The following KIRREL3 variants were observed in gnomAD, a reference collection of about 807,000 sequenced individuals.
The protein encoded by KIRREL3 is kirre like nephrin family adhesion molecule 3.
KIRREL3 carries 36 observed loss-of-function variants against 89.7 expected under a neutral mutation model. The ratio of observed to expected loss-of-function variants is 0.40; its 90% CI spans 0.31 to 0.53. The LOEUF is 0.53. Among genes scored for constraint, KIRREL3 ranks in the 20% least tolerant of loss-of-function variants. KIRREL3 has a pLI of 0.49. For missense variants in KIRREL3, 864 were observed against 1,056.6 expected, an observed-to-expected ratio of 0.82 and a Z score of 2.53; for synonymous variants, 445 against 441.4, an observed-to-expected ratio of 1.01 and a Z score of -0.10.
chr11:126,951,602 G>A (rs187490718), intron 1 of KIRREL3, among the ~76,000 whole-genome samples: 11 of 152,348 alleles, frequency 7.2e-5, no homozygotes, highest in African/African-American at 2.6e-4. Context: ...GGGGACACCA[G>A]GGTATAAGGC....
At chr11:126,919,647 C>T (rs895710035) in intron 1 of KIRREL3, among the ~76,000 whole-genome samples, 1 of 152,154 alleles carries the variant, frequency 6.6e-6, no homozygotes, top group African/African-American at 2.4e-5. Context: ...TTTGGTGACA[C>T]CAGTTGTGCA....
At chr11:126,600,692 A>G (rs1266518104) in intron 1 of KIRREL3, among the ~76,000 whole-genome samples, 1 of 152,208 alleles carries the variant, frequency 6.6e-6, no homozygotes, top group Non-Finnish European at 1.5e-5. Flanking sequence ...ATAGAGCTCC[A>G]ATGAGATGAT....
chr11:126,725,224 C>T (rs560112140), intron 1 of KIRREL3, among the ~76,000 whole-genome samples: 119 of 152,278 alleles, frequency 7.8e-4, no homozygotes, highest in African/African-American at 2.4e-3. Context: ...CGTGGTGCCT[C>T]GTATGCCATG....
chr11:126,612,754 G>A lies in KIRREL3; in HGVS notation c.56-49842C>T, dbSNP rs990222983. Reference sequence around the variant, plus strand: ...CTACAACATGTGGCCTTTTGTGTCCGTCTCCTTTCACGTAACAAAATGCTT... The same window carrying A: ...CTACAACATGTGGCCTTTTGTGTCCATCTCCTTTCACGTAACAAAATGCTT... On this transcript the variant is annotated intron_variant, in intron 1 of 16. Coordinates refer to ENST00000525144, the MANE Select transcript of KIRREL3 (RefSeq NM_032531.4). This position sits in a 1 kb window ranked among gnomAD's most constrained non-coding sequence, Gnocchi z 4.5. Among the ~76,000 whole-genome samples, 7 of 152,146 alleles carry A rather than the reference G, an allele frequency of 4.6e-5. No homozygotes were observed. Among genetic ancestry groups the A allele is most frequent in the African/African-American group, 7.2e-5 (3 of 41,430 alleles).
At chr11:126,840,655 T>G (rs1943934750) in intron 1 of KIRREL3, among the ~76,000 whole-genome samples, 2 of 152,200 alleles carry the variant, frequency 1.3e-5, no homozygotes, top group South Asian at 4.1e-4. Context: ...CTGGGTAGCG[T>G]GATAAAATCT....
intron 1 of KIRREL3, among the ~76,000 whole-genome samples, chr11:126,895,852 C>T (rs1243943124): frequency 6.6e-6 from 1 of 152,170 alleles, no homozygotes; most frequent in East Asian, 1.9e-4. Flanking sequence ...GACCCAGCTG[C>T]CCCCAGTAGG....
chr11:126,829,507 C>T (rs1463455330), intron 1 of KIRREL3, among the ~76,000 whole-genome samples: 1 of 37,340 alleles, frequency 2.7e-5, no homozygotes, highest in Admixed American at 3.1e-4. Flanking sequence ...TTTCAAGGAC[C>T]TCGTGTGGTC....
At chr11:126,923,415 C>G (rs1193667433) in intron 1 of KIRREL3, among the ~76,000 whole-genome samples, 4 of 135,706 alleles carry the variant, frequency 2.9e-5, no homozygotes, top group African/African-American at 1.1e-4. Flanking sequence ...CTTCTTCCTT[C>G]TTCTTCTTCC....
chr11:126,897,571 T>G lies in KIRREL3; in HGVS notation c.55+102884A>C, dbSNP rs1269783321. ...GGTTAAAGGCACAGCATCCTCCTGT[T>G]TGTATATAGCAGACCATTAGGGTAT... On this transcript the variant is annotated intron_variant, in intron 1 of 16. Coordinates refer to ENST00000525144, the MANE Select transcript of KIRREL3 (RefSeq NM_032531.4). This position sits in a 1 kb window ranked among gnomAD's most constrained non-coding sequence, Gnocchi z 4.2. Among the ~76,000 whole-genome samples the G allele has an allele frequency of 6.6e-6, 1 of 152,170 alleles. No homozygotes were observed. Among genetic ancestry groups the G allele is most frequent in the African/African-American group, 2.4e-5 (1 of 41,436 alleles).
At chr11:126,848,288 C>G (rs192967652) in intron 1 of KIRREL3, among the ~76,000 whole-genome samples, 1 of 152,328 alleles carries the variant, frequency 6.6e-6, no homozygotes, top group African/African-American at 2.4e-5. Flanking sequence ...GCACTTTATA[C>G]AAATAATCAG....
At chr11:126,425,563 A>G (rs1954908195) in intron 16 of KIRREL3, 75 bp downstream of exon 16, 14 of 1,255,714 alleles carry the variant, frequency 1.1e-5, no homozygotes, top group Middle Eastern at 1.9e-4. Context: ...TTTGTTGTAT[A>G]GATTTGGGGT....
rs1052826836 is a variant in KIRREL3, at chr11:126,551,355, C to A, written c.133+11480G>T. 1.3e-5 allele frequency among the ~76,000 whole-genome samples: 2 copies of A among 152,014 alleles called. No homozygotes were observed. Among genetic ancestry groups the A allele is most frequent in the African/African-American group, 2.4e-5 (1 of 41,406 alleles). On this transcript the variant is annotated intron_variant, in intron 2 of 16. Transcript: ENST00000525144. This position sits in a 1 kb window ranked among gnomAD's most constrained non-coding sequence, Gnocchi z 4.9. Reference sequence around the variant, plus strand: ...GCGATGGGGCAGGGGAAAGGAGGGCCGGAGAGAGATCCTGTTTCCCGAGGC... The same window carrying A: ...GCGATGGGGCAGGGGAAAGGAGGGCAGGAGAGAGATCCTGTTTCCCGAGGC...
At chr11:126,886,183 A>G (rs1052227864) in intron 1 of KIRREL3, among the ~76,000 whole-genome samples, 9 of 152,216 alleles carry the variant, frequency 5.9e-5, no homozygotes, top group Admixed American at 3.3e-4. Context: ...CCCAGCTCTG[A>G]GGATGCAAAG....
At chr11:126,988,102 T>C (rs1012290820) in intron 1 of KIRREL3, among the ~76,000 whole-genome samples, 7 of 152,240 alleles carry the variant, frequency 4.6e-5, no homozygotes, top group African/African-American at 1.7e-4. Flanking sequence ...TCTTTTTATG[T>C]AGAGTAGCTC....
Position 126,771,115 on chromosome 11 carries a change from G to A in KIRREL3, c.56-208203C>T, listed in dbSNP as rs1950007327. ...GCATCCCAAAGTCCTGGGATTACAG[G>A]CATGAGCCACTTCCTCTGGCCAGAA... On this transcript the variant is annotated intron_variant, in intron 1 of 16. Transcript: ENST00000525144. The surrounding 1 kb of genome is among the most constrained non-coding windows in gnomAD (Gnocchi z 4.4). Among the ~76,000 whole-genome samples, 1 of 152,194 alleles carries A rather than the reference G, an allele frequency of 6.6e-6. No individual in the cohort carries two copies. The highest frequency in any genetic ancestry group is 2.4e-5 in the African/African-American group (1 of 41,450).
chr11:126,975,858 T>C (rs1949550400), intron 1 of KIRREL3, among the ~76,000 whole-genome samples: 1 of 151,288 alleles, frequency 6.6e-6, no homozygotes, highest in African/African-American at 2.4e-5. Flanking sequence ...ACCTTCCTCA[T>C]ATTACATAAT....
Position 126,755,612 on chromosome 11 carries a change from T to C in KIRREL3, c.56-192700A>G, listed in dbSNP as rs897595256. ...CCTACAATAGGAAAGGTCTGCGTGC[T>C]GACACTCTCAACTTCCCTGAGTGCC... On this transcript the variant is annotated intron_variant, in intron 1 of 16. Transcript: ENST00000525144. The surrounding 1 kb of genome is among the most constrained non-coding windows in gnomAD (Gnocchi z 4.3). 6.6e-6 allele frequency among the ~76,000 whole-genome samples: 1 copy of C among 152,198 alleles called. No individual in the cohort carries two copies. The highest frequency in any genetic ancestry group is 2.4e-5 in the African/African-American group (1 of 41,442).
At position 126,692,237 on chromosome 11, in the gene KIRREL3, C is replaced by T. The variant is rs77357837; in HGVS notation, c.56-129325G>A. ...CCCACGTTCACAGCCACACTATTCA[C>T]AATAAATAGCTAAGAGGTGGAAATA... is the stretch of plus-strand genomic sequence containing the variant. On this transcript the variant is annotated intron_variant, in intron 1 of 16. Coordinates refer to ENST00000525144, the MANE Select transcript of KIRREL3 (RefSeq NM_032531.4). Among the ~76,000 whole-genome samples the T allele has an allele frequency of 2.3e-3, 351 of 152,174 alleles. 8 individuals are homozygous for T. The East Asian group carries it at 0.056, about 24-fold the overall frequency.
intron 2 of KIRREL3, among the ~76,000 whole-genome samples, chr11:126,548,863 G>A (rs1939029288): frequency 6.6e-6 from 1 of 152,142 alleles, no homozygotes; most frequent in African/African-American, 2.4e-5. Context: ...TGGGAGCAAC[G>A]AGATAGAATA....
Sources: gnomAD v4.1 joint callset for allele counts (sites outside exome capture counted in the v4.1 genomes callset) on GRCh38, gnomAD v4.1.1 for gene constraint, Gnocchi (gnomAD v3.1) non-coding constraint, MANE v1.5 for transcripts, NCBI Gene and HGNC (gene_info 2026-07-23, HGNC 2026-07-21) for gene names.